ZNF69: variants seen among roughly 807,000 people sequenced by gnomAD.
The protein encoded by ZNF69 is ZNF3.
In ZNF69, 47 loss-of-function variants were observed where a neutral mutation model predicts 50.9. That is an observed-to-expected ratio of 0.92 (90% confidence interval 0.73 to 1.18). The LOEUF (loss-of-function observed/expected upper bound fraction) is 1.18. Ranked by LOEUF, ZNF69 falls within the 50% of genes most tolerant of loss-of-function variation. ZNF69 has a pLI of 0.00. For missense variants in ZNF69, 717 were observed against 675.1 expected (o/e 1.06, Z -0.69); for synonymous variants, 216 against 223.1 (o/e 0.97, Z 0.29).
the ZNF69 span, among the ~76,000 whole-genome samples, chr19:11,942,332 T>C: frequency 6.6e-6 from 1 of 151,922 alleles, no homozygotes; most frequent in Non-Finnish European, 1.5e-5. Flanking sequence ...AAACACAGCC[T>C]CAGGACTGCT....
the ZNF69 span, chr19:11,978,330 T>G: frequency 5.6e-6 from 9 of 1,613,934 alleles, no homozygotes; most frequent in African/African-American, 2.7e-5. Flanking sequence ...GGCATACGAG[T>G]ATCAGGACTA....
chr19:11,904,018 T>A (rs1972307666), intron 3 of ZNF69, 53 bp downstream of exon 3: 1 of 1,549,504 alleles, frequency 6.5e-7, no homozygotes, highest in Admixed American at 2.0e-5. Flanking sequence ...TCTTAGAATA[T>A]GACAATATAT....
downstream of ZNF69, among the ~76,000 whole-genome samples, chr19:11,916,114 C>T (rs771982385): frequency 4.6e-5 from 7 of 152,152 alleles, no homozygotes; most frequent in Non-Finnish European, 7.3e-5. Flanking sequence ...TTTTTCCAGA[C>T]ATTCTAGTGA....
At chr19:11,966,477 A>G in the ZNF69 span, among the ~76,000 whole-genome samples, 2 of 152,084 alleles carry the variant, frequency 1.3e-5, no homozygotes, top group South Asian at 2.1e-4. Flanking sequence ...GGGTTCAAGC[A>G]ATTCTCCTGC....
chr19:11,905,664 A>T lies in ZNF69; in HGVS notation c.1267A>T (p.Lys423Ter). Residue 423 changes from lysine to a stop codon, truncating the protein, a stop_gained, in exon 4 of 4, where the codon AAG (lysine) becomes TAG (stop). Coordinates refer to ENST00000429654, the MANE Select transcript of ZNF69 (RefSeq NM_001364730.1). LOFTEE classifies it high-confidence loss of function. ...EKPYECKQCG[K>*]AFRSSSHLQL... The stretch of plus-strand genomic sequence containing the variant: ...ACCCTATGAGTGTAAGCAATGTGGG[A>T]AGGCCTTCAGATCTTCCTCACACCT... The T allele has an allele frequency of 6.2e-7, 1 of 1,613,812 alleles. No homozygotes were observed. The highest frequency in any genetic ancestry group is 8.5e-7 in the Non-Finnish European group (1 of 1,179,958).
the ZNF69 span, among the ~76,000 whole-genome samples, chr19:11,926,257 T>A: frequency 6.6e-6 from 1 of 152,204 alleles, no homozygotes; most frequent in Non-Finnish European, 1.5e-5. Context: ...ATTCTATCTA[T>A]TTTTACATGA....
At chr19:11,929,501 T>G in the ZNF69 span, among the ~76,000 whole-genome samples, 1 of 148,266 alleles carries the variant, frequency 6.7e-6, no homozygotes, top group African/African-American at 2.6e-5. Flanking sequence ...GGTAGAAAAT[T>G]TCTAGGTATG....
the ZNF69 span, among the ~76,000 whole-genome samples, chr19:11,974,474 G>A: frequency 6.6e-6 from 1 of 151,944 alleles, no homozygotes; most frequent in Non-Finnish European, 1.5e-5. Context: ...TCAATTATAG[G>A]TGTGAGCCAC....
chr19:11,923,501 C>T, the ZNF69 span, among the ~76,000 whole-genome samples: 5 of 152,222 alleles, frequency 3.3e-5, no homozygotes, highest in African/African-American at 1.2e-4. Context: ...TAGAGCCGCA[C>T]TGCTGCAGAG....
At chr19:11,950,539 A>G in the ZNF69 span, 1 of 602,246 alleles carries the variant, frequency 1.7e-6, no homozygotes, top group Non-Finnish European at 3.1e-6. Context: ...TATGAATGTA[A>G]GCAATGTGGG....
the ZNF69 span, among the ~76,000 whole-genome samples, chr19:11,931,501 A>G: frequency 2.0e-5 from 3 of 148,344 alleles, no homozygotes; most frequent in South Asian, 2.1e-4. Context: ...GATTGATGCA[A>G]ATATTCATGC....
chr19:11,915,525 G>T (rs1972514692), downstream of ZNF69, among the ~76,000 whole-genome samples: 1 of 152,178 alleles, frequency 6.6e-6, no homozygotes, highest in African/African-American at 2.4e-5. Context: ...AGGCCCAAAG[G>T]GTGTTCATAT....
the ZNF69 span, among the ~76,000 whole-genome samples, chr19:11,973,904 C>G: frequency 6.6e-6 from 1 of 152,080 alleles, no homozygotes; most frequent in Non-Finnish European, 1.5e-5. Flanking sequence ...CAGAGCTCCA[C>G]AGACTGTCTT....
chr19:11,965,342 C>T, the ZNF69 span: 3 of 1,285,244 alleles, frequency 2.3e-6, no homozygotes, highest in East Asian at 7.6e-5. Context: ...CCTGGAGCTG[C>T]TCGGCCCTCG....
At chr19:11,954,995 AATTTT>A in the ZNF69 span, among the ~76,000 whole-genome samples, 48 of 146,186 alleles carry the variant, frequency 3.3e-4, no homozygotes, top group Non-Finnish European at 4.2e-4. Context: ...GTTTCAAAAA[AATTTT>A]TTTTTTTTTT....
chr19:11,951,163 AAAAAAGAAAG>A, the ZNF69 span, among the ~76,000 whole-genome samples: 3 of 150,772 alleles, frequency 2.0e-5, no homozygotes, highest in African/African-American at 7.3e-5. Flanking sequence ...AAAAAAAAAA[AAAAAAGAAAG>A]AAATTTTACT....
rs946651872 is a variant in ZNF69, at chr19:11,905,081, C to A, written c.684C>A (p.Ala228=). The A allele has an allele frequency of 3.7e-6, 6 of 1,614,018 alleles. No individual in the cohort carries two copies. The highest frequency in any genetic ancestry group is 4.2e-6 in the Non-Finnish European group (5 of 1,180,036). Residue 228 remains alanine, a synonymous_variant, in exon 4 of 4, where the codon GCC becomes GCA. Transcript: ENST00000429654. ...ATAAATGTAAATTTTGTGGGAAAGC[C>A]TTCCATTGTCTCAGTTTATATCTTA... ...GPYKCKFCGK[A]FHCLSLYLIH...
the ZNF69 span, among the ~76,000 whole-genome samples, chr19:11,962,444 A>G: frequency 6.6e-6 from 1 of 152,140 alleles, no homozygotes; most frequent in East Asian, 1.9e-4. Context: ...AGCTCACTGC[A>G]GAAACTCCTG....
At chr19:11,965,217 T>C in the ZNF69 span, 2 of 1,614,040 alleles carry the variant, frequency 1.2e-6, no homozygotes, top group Non-Finnish European at 1.7e-6. Context: ...AAATGGTGCG[T>C]GTGCATAGCC....
Sources: gnomAD v4.1 joint callset for allele counts (sites outside exome capture counted in the v4.1 genomes callset) on GRCh38, gnomAD v4.1.1 for gene constraint, MANE v1.5 for transcripts, NCBI Gene and HGNC (gene_info 2026-07-23, HGNC 2026-07-21) for gene names.